KCNN2: variants seen among roughly 807,000 people sequenced by gnomAD.
The protein encoded by KCNN2 is small conductance calcium-activated potassium channel protein 2.
KCNN2 carries 24 observed loss-of-function variants against 55.5 expected under a neutral mutation model. The ratio of observed to expected loss-of-function variants is 0.43; its 90% CI spans 0.31 to 0.61. The LOEUF is 0.61. Among genes scored for constraint, KCNN2 ranks in the 20% least tolerant of loss-of-function variants. KCNN2 has a pLI of 0.08. For synonymous variants in KCNN2, 431 were observed against 336.1 expected, an observed-to-expected ratio of 1.28 and a Z score of -3.09; for missense variants, 754 against 853.6, an observed-to-expected ratio of 0.88 and a Z score of 1.45.
intron 1 of KCNN2, among the ~76,000 whole-genome samples, chr5:114,209,031 C>T (rs1479994617): frequency 6.6e-6 from 1 of 151,014 alleles, no homozygotes; most frequent in Non-Finnish European, 1.5e-5. Context: ...TAGCCTTTTG[C>T]TTCTCTTGAT....
intron 1 of KCNN2, among the ~76,000 whole-genome samples, chr5:114,204,825 C>G (rs1225739410): frequency 6.6e-6 from 1 of 152,174 alleles, no homozygotes; most frequent in Non-Finnish European, 1.5e-5. Flanking sequence ...TTTTGTTAAT[C>G]CACTGAGATT....
chr5:114,282,205 ATTTC>A (rs1204596616), intron 2 of KCNN2, among the ~76,000 whole-genome samples: 3 of 152,000 alleles, frequency 2.0e-5, no homozygotes, highest in Admixed American at 1.3e-4. Flanking sequence ...TTTGTTTCTA[ATTTC>A]TTTCTTTCTC....
chr5:114,065,772 G>C (rs1750431911), intron 1 of KCNN2, among the ~76,000 whole-genome samples: 1 of 148,696 alleles, frequency 6.7e-6, no homozygotes, highest in Admixed American at 6.7e-5. Flanking sequence ...GAGTGTGCAT[G>C]CTTTATATCT....
At chr5:114,416,920 G>A (rs1013818207) in intron 3 of KCNN2, among the ~76,000 whole-genome samples, 8 of 152,132 alleles carry the variant, frequency 5.3e-5, no homozygotes, top group African/African-American at 1.9e-4. Context: ...CAGTGATCAT[G>A]GGGAAAATTA....
intron 6 of KCNN2, among the ~76,000 whole-genome samples, chr5:114,488,334 A>T (rs1257021817): frequency 9.2e-5 from 14 of 152,106 alleles, no homozygotes; most frequent in Non-Finnish European, 2.1e-4. Context: ...CAGCTTTACT[A>T]ACACACTTTC....
intron 2 of KCNN2, among the ~76,000 whole-genome samples, chr5:114,262,594 G>C (rs958842591): frequency 7.2e-5 from 11 of 152,194 alleles, no homozygotes; most frequent in Non-Finnish European, 1.5e-4. Context: ...CCCTGTAAAA[G>C]TGCAATAGTA....
At chr5:114,377,853 C>T (rs1185725828) in intron 2 of KCNN2, among the ~76,000 whole-genome samples, 1 of 152,244 alleles carries the variant, frequency 6.6e-6, no homozygotes, top group Non-Finnish European at 1.5e-5. Flanking sequence ...AAGAATCTAG[C>T]GTGATACCTG....
At chr5:114,442,619 G>A (rs1281290467) in intron 3 of KCNN2, among the ~76,000 whole-genome samples, 1 of 152,010 alleles carries the variant, frequency 6.6e-6, no homozygotes, top group Non-Finnish European at 1.5e-5. Flanking sequence ...AGTATGCCTC[G>A]CCAGATGCTA....
At chr5:114,248,074 T>A (rs141513529) in intron 2 of KCNN2, among the ~76,000 whole-genome samples, 30 of 152,328 alleles carry the variant, frequency 2.0e-4, no homozygotes, top group African/African-American at 6.5e-4. Flanking sequence ...ACATGTTGCC[T>A]TCCTTATTCG....
At chr5:114,159,467 T>G (rs1027451337) in intron 1 of KCNN2, among the ~76,000 whole-genome samples, 1 of 152,158 alleles carries the variant, frequency 6.6e-6, no homozygotes, top group African/African-American at 2.4e-5. Context: ...AAATTCTTTT[T>G]TTTGATTGTG....
chr5:114,434,330 T>C (rs1170929406), intron 3 of KCNN2, among the ~76,000 whole-genome samples: 2 of 152,206 alleles, frequency 1.3e-5, no homozygotes, highest in African/African-American at 4.8e-5. Context: ...CTTTTTGGTT[T>C]TTTCTTACAA....
chr5:114,212,574 A>T (rs553406734), intron 1 of KCNN2, among the ~76,000 whole-genome samples: 1 of 152,212 alleles, frequency 6.6e-6, no homozygotes, highest in African/African-American at 2.4e-5. Flanking sequence ...AAAAGAAAAT[A>T]TGAATCACAT....
intron 6 of KCNN2, among the ~76,000 whole-genome samples, chr5:114,492,674 T>G (rs1003565146): frequency 1.3e-5 from 2 of 152,178 alleles, no homozygotes; most frequent in African/African-American, 4.8e-5. Flanking sequence ...TAACAGTAGC[T>G]AAACATAATC....
chr5:114,346,061 C>T (rs568345242), intron 2 of KCNN2, among the ~76,000 whole-genome samples: 142 of 152,312 alleles, frequency 9.3e-4, no homozygotes, highest in African/African-American at 3.3e-3. Context: ...GGATTACAGG[C>T]ATGAGCCACA....
intron 3 of KCNN2, among the ~76,000 whole-genome samples, chr5:114,450,548 CAG>C (rs753764589): frequency 3.9e-5 from 6 of 152,202 alleles, no homozygotes; most frequent in Non-Finnish European, 8.8e-5. Flanking sequence ...CAGAAAGTAT[CAG>C]GGGCTTGAGA....
At chr5:114,484,627 T>C (rs766995504) in intron 5 of KCNN2, among the ~76,000 whole-genome samples, 3 of 152,126 alleles carry the variant, frequency 2.0e-5, no homozygotes, top group East Asian at 3.9e-4. Flanking sequence ...CAACCCTAGA[T>C]GGAAAGGAAG....
At chr5:114,074,130 G>A (rs1750631905) in intron 1 of KCNN2, among the ~76,000 whole-genome samples, 1 of 152,084 alleles carries the variant, frequency 6.6e-6, no homozygotes, top group Non-Finnish European at 1.5e-5. Context: ...TCTAAGAAAG[G>A]CACTTTAAAC....
intron 1 of KCNN2, among the ~76,000 whole-genome samples, chr5:114,135,914 T>C (rs1338299494): frequency 6.6e-6 from 1 of 151,834 alleles, no homozygotes; most frequent in African/African-American, 2.4e-5. Context: ...ATAAAAGAAA[T>C]GTAAGTTTAG....
At chr5:114,477,715 A>G (rs1293322955) in intron 5 of KCNN2, among the ~76,000 whole-genome samples, 1 of 152,208 alleles carries the variant, frequency 6.6e-6, no homozygotes, top group Non-Finnish European at 1.5e-5. Flanking sequence ...CAAACAGGAA[A>G]TCTTGTAGTT....
Sources: allele counts gnomAD v4.1 joint callset (sites outside exome capture counted in the v4.1 genomes callset), GRCh38; gene constraint gnomAD v4.1.1; transcripts MANE v1.5; gene names NCBI Gene and HGNC (gene_info 2026-07-23, HGNC 2026-07-21).